FUT8: variants seen among roughly 807,000 people sequenced by gnomAD.
The protein encoded by FUT8 is fucosyltransferase 8.
In FUT8, 29 loss-of-function variants were observed where a neutral mutation model predicts 71.3. That is an observed-to-expected ratio of 0.41 (90% CI 0.30 to 0.55). The LOEUF (loss-of-function observed/expected upper bound fraction) is 0.55. FUT8 is among the 20% of genes least tolerant of loss of function. The pLI is 0.34. For missense variants in FUT8, 544 were observed against 702.1 expected, an observed-to-expected ratio of 0.77 and a Z score of 2.55; for synonymous variants, 254 against 239.3, an observed-to-expected ratio of 1.06 and a Z score of -0.57.
chr14:65,633,028 C>G (rs1401982917), intron 6 of FUT8, among the ~76,000 whole-genome samples: 1 of 138,704 alleles, frequency 7.2e-6, no homozygotes, highest in Non-Finnish European at 1.5e-5. Context: ...TCCCCAGGGT[C>G]TCCCTCTCCC....
At chr14:65,419,504 A>G (rs556192973) in intron 1 of FUT8, among the ~76,000 whole-genome samples, 18 of 152,310 alleles carry the variant, frequency 1.2e-4, no homozygotes, top group South Asian at 4.1e-4. Flanking sequence ...GACTTACTCA[A>G]TTTCTCCAAC....
In FUT8 at chr14:65,643,599, A is replaced by G. The variant is rs1047333892; in HGVS notation, c.597+13993A>G. On this transcript the variant is annotated intron_variant, in intron 6 of 10. Transcript: ENST00000673929. The surrounding 1 kb of genome is among the most constrained non-coding windows in gnomAD (Gnocchi z 4.5). ...AACCTGGGAGGCGGAGCTTGCAGTGAGCAGAGATCATGCCACTGCACTGCA... is the reference window on the plus strand; with the variant it reads ...AACCTGGGAGGCGGAGCTTGCAGTGGGCAGAGATCATGCCACTGCACTGCA... Among the ~76,000 whole-genome samples the G allele has an allele frequency of 6.6e-6, 1 of 151,406 alleles. No individual in the cohort carries two copies. Among genetic ancestry groups the G allele is most frequent in the Non-Finnish European group, 1.5e-5 (1 of 67,916 alleles).
chr14:65,556,930 G>A (rs1415004425), intron 2 of FUT8, among the ~76,000 whole-genome samples: 1 of 152,186 alleles, frequency 6.6e-6, no homozygotes, highest in Non-Finnish European at 1.5e-5. Flanking sequence ...AGGTTACCTA[G>A]CTATGATGTA....
At chr14:65,501,713 A>T (rs1396689999) in intron 2 of FUT8, among the ~76,000 whole-genome samples, 2 of 152,158 alleles carry the variant, frequency 1.3e-5, no homozygotes, top group African/African-American at 4.8e-5. Flanking sequence ...CAGTATATAT[A>T]GCCTTCTCTT....
chr14:65,476,635 AGATTTTTTTTTTTTTTTTTTTT>A (rs2066246022), intron 2 of FUT8, among the ~76,000 whole-genome samples: 1 of 141,034 alleles, frequency 7.1e-6, no homozygotes, highest in African/African-American at 2.7e-5. Flanking sequence ...TTAAAGAAGT[AGATTTTTTTTTTTTTTTTTTTT>A]TTTTTTTTTT....
intron 2 of FUT8, among the ~76,000 whole-genome samples, chr14:65,505,306 GT>G (rs1001286768): frequency 3.0e-3 from 286 of 95,776 alleles, no homozygotes; most frequent in East Asian, 0.012. Flanking sequence ...CTACATTTCA[GT>G]TTTTTTTTTT....
At chr14:65,689,832 C>T (rs1437731831) in intron 7 of FUT8, among the ~76,000 whole-genome samples, 1 of 151,852 alleles carries the variant, frequency 6.6e-6, no homozygotes, top group Admixed American at 6.6e-5. Flanking sequence ...CCACAGCACC[C>T]AGCCGAGCAG....
At chr14:65,447,850 T>G (rs1249611186) in intron 1 of FUT8, among the ~76,000 whole-genome samples, 4 of 152,186 alleles carry the variant, frequency 2.6e-5, no homozygotes, top group African/African-American at 9.7e-5. Flanking sequence ...AATTTCTGTT[T>G]AGAGCTGGGA....
In FUT8 at chr14:65,684,471, C is replaced by T. The variant is rs527939371; in HGVS notation, c.835+14991C>T. The stretch of plus-strand genomic sequence containing the variant: ...AAGAATAGTCTGAACCCTCTATCTA[C>T]TCATGTCATTCTTTAAAAATAGTGG... On this transcript the variant is annotated intron_variant, in intron 7 of 10. Transcript: ENST00000673929. Among the ~76,000 whole-genome samples the T allele has an allele frequency of 8.5e-5, 13 of 152,274 alleles. No individual in the cohort carries two copies. In the South Asian group the frequency reaches 1.7e-3, roughly 19 times the overall value.
At chr14:65,453,792 G>C (rs1450309234) in intron 1 of FUT8, among the ~76,000 whole-genome samples, 1 of 151,502 alleles carries the variant, frequency 6.6e-6, no homozygotes, top group Non-Finnish European at 1.5e-5. Context: ...GACTCAAGTG[G>C]ACCCCAATGT....
intron 7 of FUT8, among the ~76,000 whole-genome samples, chr14:65,692,763 G>A (rs1188206346): frequency 3.3e-5 from 5 of 149,574 alleles, no homozygotes; most frequent in Middle Eastern, 3.5e-3. Flanking sequence ...GGTGGTTGCC[G>A]GGCAGAGGGT....
intron 3 of FUT8, among the ~76,000 whole-genome samples, chr14:65,615,258 A>G (rs1399863016): frequency 1.3e-5 from 2 of 151,880 alleles, no homozygotes; most frequent in African/African-American, 2.4e-5. Context: ...GGCACACACC[A>G]CCATGTGCCC....
intron 2 of FUT8, among the ~76,000 whole-genome samples, chr14:65,505,161 G>C (rs2066708156): frequency 6.6e-6 from 1 of 152,020 alleles, no homozygotes; most frequent in Non-Finnish European, 1.5e-5. Flanking sequence ...GAATAGTTGA[G>C]TTTTACATGC....
intron 3 of FUT8, among the ~76,000 whole-genome samples, chr14:65,600,373 T>C (rs761016252): frequency 8.5e-5 from 13 of 152,198 alleles, no homozygotes; most frequent in African/African-American, 2.9e-4. Context: ...ACTTCATTTA[T>C]GCAAAAAATA....
intron 3 of FUT8, among the ~76,000 whole-genome samples, chr14:65,576,749 T>C (rs1329442503): frequency 7.4e-6 from 1 of 135,634 alleles, no homozygotes; most frequent in East Asian, 2.4e-4. Context: ...AGACAGAGTC[T>C]AGCTTTTGTC....
intron 10 of FUT8, among the ~76,000 whole-genome samples, chr14:65,740,716 A>G (rs1415861707): frequency 6.6e-6 from 1 of 151,888 alleles, no homozygotes; most frequent in African/African-American, 2.4e-5. Context: ...TCTCACGAGA[A>G]CTCACTACTG....
At chr14:65,513,810 G>A (rs1882522232) in intron 2 of FUT8, among the ~76,000 whole-genome samples, 1 of 152,136 alleles carries the variant, frequency 6.6e-6, no homozygotes, top group South Asian at 2.1e-4. Flanking sequence ...TCACCGAAGG[G>A]GAGTGAACAG....
At chr14:65,396,464 A>C in the FUT8 span, among the ~76,000 whole-genome samples, 1 of 152,228 alleles carries the variant, frequency 6.6e-6, no homozygotes, top group Non-Finnish European at 1.5e-5. The surrounding 1 kb of genome is among the most constrained non-coding windows in gnomAD (Gnocchi z 5.5). Context: ...ACAGAATGAG[A>C]GCCAAACAAA....
intron 3 of FUT8, among the ~76,000 whole-genome samples, chr14:65,580,158 A>G (rs577338339): frequency 3.3e-5 from 5 of 150,472 alleles, no homozygotes; most frequent in African/African-American, 7.3e-5. Flanking sequence ...TTGTGGCTGT[A>G]TGAACATCAT....
Sources: gnomAD v4.1 joint callset for allele counts (sites outside exome capture counted in the v4.1 genomes callset) on GRCh38, gnomAD v4.1.1 for gene constraint, Gnocchi (gnomAD v3.1) non-coding constraint, MANE v1.5 for transcripts, NCBI Gene and HGNC (gene_info 2026-07-23, HGNC 2026-07-21) for gene names.